Variants in LDLRAD4 observed in about 807,000 individuals in gnomAD.
The protein encoded by LDLRAD4 is low-density lipoprotein receptor class A domain-containing protein 4.
Under a neutral mutation model 17.0 loss-of-function variants are expected in LDLRAD4, and 5 were observed. The ratio of observed to expected loss-of-function variants is 0.29; its 90% CI spans 0.15 to 0.62. LDLRAD4 has a LOEUF of 0.62. Ranked by LOEUF, LDLRAD4 falls within the 20% of genes least tolerant of loss-of-function variation. The pLI is 0.84. For missense variants in LDLRAD4, 340 were observed against 424.7 expected (o/e 0.80, Z 1.75); for synonymous variants, 168 against 171.8 (o/e 0.98, Z 0.17).
At chr18:13,568,265 G>A (rs192134696) in intron 3 of LDLRAD4, among the ~76,000 whole-genome samples, 194 of 151,464 alleles carry the variant, frequency 1.3e-3, no homozygotes, top group African/African-American at 4.1e-3. Context: ...CTGCACTCCA[G>A]CCTGGGTGAC....
chr18:13,394,318 C>A (rs1332279044), intron 2 of LDLRAD4, among the ~76,000 whole-genome samples: 2 of 151,864 alleles, frequency 1.3e-5, no homozygotes, highest in African/African-American at 2.4e-5. Flanking sequence ...ATGTGATTAT[C>A]TTTTTTTTAG....
At chr18:13,591,618 C>T (rs1300558639) in intron 3 of LDLRAD4, among the ~76,000 whole-genome samples, 3 of 152,190 alleles carry the variant, frequency 2.0e-5, no homozygotes, top group African/African-American at 4.8e-5. Flanking sequence ...AGGTCTACCT[C>T]CTTCTGATTT....
At chr18:13,532,252 C>T (rs911752035) in intron 3 of LDLRAD4, among the ~76,000 whole-genome samples, 3 of 152,158 alleles carry the variant, frequency 2.0e-5, no homozygotes, top group Admixed American at 6.5e-5. Context: ...GGAGGGGCAG[C>T]GAAGCAGCCG....
At chr18:13,436,994 A>G (rs890950775) in intron 2 of LDLRAD4, among the ~76,000 whole-genome samples, 4 of 152,260 alleles carry the variant, frequency 2.6e-5, no homozygotes, top group African/African-American at 9.6e-5. Flanking sequence ...TTTCTTTACA[A>G]CAGGTGAAGG....
Position 13,614,747 on chromosome 18 carries a change from C to G in LDLRAD4, c.182-6370C>G, listed in dbSNP as rs201793157. 4 of 152,326 alleles carry G rather than the reference C, an allele frequency of 2.6e-5. No homozygotes were observed. In the East Asian group the frequency reaches 7.7e-4, roughly 29 times the overall value. The allele number at this position is 152,326 out of a possible 1,614,324, so 9.4% of individuals were successfully genotyped here. On this transcript the variant is annotated intron_variant, in intron 3 of 5. Coordinates refer to ENST00000359446, the Ensembl canonical transcript of LDLRAD4. ...CCTGCCCCCACCCGTCTTCCTGCCA[C>G]CACCGCCGCCCGGTCTCTGGAGGAT...
chr18:13,218,146 C>T (rs912549538), upstream of LDLRAD4: 3 of 152,284 alleles, frequency 2.0e-5, no homozygotes, highest in African/African-American at 7.2e-5. Flanking sequence ...GGCCCAAGTT[C>T]ACCGCTGCGC....
intron 1 of LDLRAD4, among the ~76,000 whole-genome samples, chr18:13,365,647 A>T (rs984702913): frequency 2.6e-5 from 4 of 152,198 alleles, no homozygotes; most frequent in African/African-American, 9.7e-5. Flanking sequence ...GCTGAAATGT[A>T]CTTCCTGTAA....
At chr18:13,574,862 G>A (rs567246410) in intron 3 of LDLRAD4, among the ~76,000 whole-genome samples, 7 of 152,298 alleles carry the variant, frequency 4.6e-5, no homozygotes, top group Admixed American at 2.6e-4. Flanking sequence ...TAGCCTTTCT[G>A]ATGGGAATAT....
chr18:13,638,154 C>A (rs1230115677), intron 4 of LDLRAD4, among the ~76,000 whole-genome samples: 1 of 152,020 alleles, frequency 6.6e-6, no homozygotes, highest in African/African-American at 2.4e-5. Context: ...ACCTGTAGTC[C>A]CAGCTATCCG....
chr18:13,543,641 T>C (rs1301040955), intron 3 of LDLRAD4: 1 of 152,260 alleles, frequency 6.6e-6, no homozygotes, highest in East Asian at 1.9e-4. Context: ...ACCTTCACTT[T>C]CTTTGTCTGC....
intron 3 of LDLRAD4, among the ~76,000 whole-genome samples, chr18:13,601,272 CA>C (rs2095157635): frequency 6.6e-6 from 1 of 152,018 alleles, no homozygotes; most frequent in Non-Finnish European, 1.5e-5. Context: ...GTAAACAAAT[CA>C]ATGAGAATAA....
intron 1 of LDLRAD4, among the ~76,000 whole-genome samples, chr18:13,310,551 G>A (rs898547891): frequency 2.0e-5 from 3 of 152,202 alleles, no homozygotes; most frequent in African/African-American, 7.2e-5. Context: ...GCCAGAGCAG[G>A]GCTTTGTGGA....
At position 13,645,863 on chromosome 18, in the gene LDLRAD4, GCAAA is replaced by G. The variant is rs1210172693; in HGVS notation, c.*209_*212del. On this transcript the variant is annotated 3_prime_UTR_variant, in exon 6 of 6. Transcript: ENST00000359446. The surrounding 1 kb of genome is among the most constrained non-coding windows in gnomAD (Gnocchi z 5.7). ...ATACAAACTTCCATCTGGTCTGACC[GCAAA>G]CAGTGTTTATTTGGGGACAGGGGTT... is the stretch of plus-strand genomic sequence containing the variant. The G allele has an allele frequency of 2.4e-6, 1 of 415,178 alleles. No homozygotes were observed. The highest frequency in any genetic ancestry group is 4.2e-6 in the Non-Finnish European group (1 of 239,432). 25.7% of individuals were successfully genotyped at this position (415,178 alleles called of 1,614,324 possible).
intron 3 of LDLRAD4, chr18:13,562,948 G>A (rs2094556979): frequency 6.6e-6 from 1 of 152,238 alleles, no homozygotes; most frequent in Non-Finnish European, 1.5e-5. Flanking sequence ...GAGAAAGGAA[G>A]GTAGAGCTTG....
chr18:13,474,509 T>C (rs1026603596), intron 3 of LDLRAD4, among the ~76,000 whole-genome samples: 10 of 152,184 alleles, frequency 6.6e-5, no homozygotes, highest in African/African-American at 2.2e-4. Flanking sequence ...CAGAAAGTGA[T>C]GGTGTGGCCA....
At chr18:13,460,200 G>GTT (rs199893452) in intron 3 of LDLRAD4, among the ~76,000 whole-genome samples, 2 of 151,848 alleles carry the variant, frequency 1.3e-5, no homozygotes. Flanking sequence ...CTTTTATTTT[G>GTT]TTTTTTTTAA....
intron 4 of LDLRAD4, among the ~76,000 whole-genome samples, chr18:13,627,836 C>T (rs764576068): frequency 3.3e-5 from 5 of 152,224 alleles, no homozygotes; most frequent in African/African-American, 4.8e-5. Context: ...GCCTTGGGAG[C>T]AGCGGTGGCC....
chr18:13,336,155 A>AACTC (rs2082092682), intron 1 of LDLRAD4, among the ~76,000 whole-genome samples: 1 of 152,196 alleles, frequency 6.6e-6, no homozygotes, highest in South Asian at 2.1e-4. Flanking sequence ...ACAGAGTGAG[A>AACTC]ACTCACTCAC....
At chr18:13,411,636 G>T (rs1011310481) in intron 2 of LDLRAD4, among the ~76,000 whole-genome samples, 4 of 152,150 alleles carry the variant, frequency 2.6e-5, no homozygotes, top group Admixed American at 6.5e-5. Flanking sequence ...CCTGCTACCA[G>T]GTAAGACGTG....
Sources: gnomAD v4.1 joint callset for allele counts (sites outside exome capture counted in the v4.1 genomes callset) on GRCh38, gnomAD v4.1.1 for gene constraint, Gnocchi (gnomAD v3.1) non-coding constraint, MANE v1.5 for transcripts, NCBI Gene and HGNC (gene_info 2026-07-23, HGNC 2026-07-21) for gene names.